The following KIAA1217 variants were observed in gnomAD, a reference collection of about 807,000 sequenced individuals.
The protein encoded by KIAA1217 is KIAA1217, also known as sickle tail protein homolog.
In KIAA1217, 88 loss-of-function variants were observed where a neutral mutation model predicts 163.9. The ratio of observed to expected loss-of-function variants is 0.54; its 90% CI spans 0.45 to 0.64. KIAA1217 has a LOEUF of 0.64. Among genes scored for constraint, KIAA1217 ranks in the 30% least tolerant of loss-of-function variants. The pLI, the probability that KIAA1217 is intolerant of heterozygous loss-of-function variation, is 0.00. For synonymous variants in KIAA1217, 903 were observed against 923.1 expected (o/e 0.98, Z 0.39); for missense variants, 2,372 against 2,475.0 (o/e 0.96, Z 0.88).
chr10:24,032,408 G>A (rs1848225419), intron 2 of KIAA1217, among the ~76,000 whole-genome samples: 1 of 151,974 alleles, frequency 6.6e-6, no homozygotes, highest in Non-Finnish European at 1.5e-5. Flanking sequence ...TACTGCTCAG[G>A]AGTAAGTCTT....
At chr10:24,086,358 A>G (rs903519247) in intron 2 of KIAA1217, among the ~76,000 whole-genome samples, 1 of 152,236 alleles carries the variant, frequency 6.6e-6, no homozygotes, top group Non-Finnish European at 1.5e-5. Flanking sequence ...ACACTCGTTC[A>G]TTATCAGACT....
chr10:23,761,707 G>T (rs1834268999), intron 1 of KIAA1217, among the ~76,000 whole-genome samples: 1 of 152,078 alleles, frequency 6.6e-6, no homozygotes, highest in Non-Finnish European at 1.5e-5. Context: ...TTGCCACGTG[G>T]CACTGAAAAG....
At chr10:24,327,628 G>C (rs1291635499) in intron 2 of KIAA1217, among the ~76,000 whole-genome samples, 1 of 152,032 alleles carries the variant, frequency 6.6e-6, no homozygotes, top group Non-Finnish European at 1.5e-5. Flanking sequence ...GTAGGTGCAC[G>C]CCACCATGCC....
intron 2 of KIAA1217, among the ~76,000 whole-genome samples, chr10:24,319,301 A>C (rs1210899820): frequency 7.0e-6 from 1 of 143,486 alleles, no homozygotes; most frequent in Non-Finnish European, 1.5e-5. Flanking sequence ...CCTTGAACCC[A>C]GGAGGCAGAG....
At chr10:23,990,815 G>A (rs751655642) in intron 1 of KIAA1217, among the ~76,000 whole-genome samples, 87 of 152,236 alleles carry the variant, frequency 5.7e-4, no homozygotes, top group Non-Finnish European at 1.0e-3. Context: ...TTGACTTACT[G>A]TCTTAGGGGT....
chr10:24,000,069 A>C (rs906774932), intron 1 of KIAA1217, among the ~76,000 whole-genome samples: 5 of 152,162 alleles, frequency 3.3e-5, no homozygotes, highest in African/African-American at 1.2e-4. Flanking sequence ...CTATCTAACA[A>C]ACAAGCAAAT....
chr10:23,957,683 C>T (rs1192389405), intron 1 of KIAA1217, among the ~76,000 whole-genome samples: 1 of 152,144 alleles, frequency 6.6e-6, no homozygotes, highest in Non-Finnish European at 1.5e-5. Flanking sequence ...GATCGGGCCA[C>T]TGCACTCCAG....
chr10:23,757,984 A>G (rs1834006191), intron 1 of KIAA1217, among the ~76,000 whole-genome samples: 1 of 152,050 alleles, frequency 6.6e-6, no homozygotes, highest in South Asian at 2.1e-4. Context: ...ATTTGCAAAT[A>G]TTTTCTTTCA....
intron 2 of KIAA1217, among the ~76,000 whole-genome samples, chr10:24,038,721 T>G (rs540184209): frequency 6.1e-4 from 90 of 148,752 alleles, no homozygotes; most frequent in African/African-American, 2.1e-3. Context: ...CAAAGCCCAC[T>G]GGGCATGACA....
intron 2 of KIAA1217, among the ~76,000 whole-genome samples, chr10:24,035,782 A>G (rs757626376): frequency 6.6e-6 from 1 of 152,242 alleles, no homozygotes; most frequent in Non-Finnish European, 1.5e-5. Context: ...ACTAGTAAAC[A>G]TGGAGATTTC....
At chr10:24,183,541 T>C (rs984451672) in intron 2 of KIAA1217, among the ~76,000 whole-genome samples, 5 of 152,198 alleles carry the variant, frequency 3.3e-5, no homozygotes, top group African/African-American at 4.8e-5. Context: ...GTTTTGAAAA[T>C]TATGCAAAAG....
intron 2 of KIAA1217, among the ~76,000 whole-genome samples, chr10:24,082,992 A>G (rs535697060): frequency 1.3e-5 from 2 of 152,206 alleles, no homozygotes; most frequent in Non-Finnish European, 2.9e-5. Flanking sequence ...TTCTCTGATG[A>G]TCAGTGATGT....
At chr10:24,165,397 A>T (rs185591252) in intron 2 of KIAA1217, among the ~76,000 whole-genome samples, 1 of 152,316 alleles carries the variant, frequency 6.6e-6, no homozygotes, top group Non-Finnish European at 1.5e-5. Flanking sequence ...AGATGCTAGG[A>T]ATGTGTCAGT....
At chr10:24,094,740 G>A (rs2062080294) in intron 2 of KIAA1217, among the ~76,000 whole-genome samples, 1 of 152,172 alleles carries the variant, frequency 6.6e-6, no homozygotes, top group South Asian at 2.1e-4. Context: ...CTGCGTGCTG[G>A]GAGAACCACT....
chr10:23,697,136 A>G (rs1249385570), intron 1 of KIAA1217, among the ~76,000 whole-genome samples: 3 of 152,202 alleles, frequency 2.0e-5, no homozygotes, highest in African/African-American at 7.2e-5. Context: ...TGTAAATGCC[A>G]TTTTTAGAGC....
At chr10:24,233,164 AC>A in intron 2 of KIAA1217, among the ~76,000 whole-genome samples, 1 of 152,056 alleles carries the variant, frequency 6.6e-6, no homozygotes, top group East Asian at 1.9e-4. Context: ...ACAAAACCCA[AC>A]ATCTGCCCTC....
intron 2 of KIAA1217, among the ~76,000 whole-genome samples, chr10:24,309,350 GCACA>G (rs760597469): frequency 0.018 from 2,324 of 132,288 alleles, 41 homozygotes; most frequent in African/African-American, 0.065. Flanking sequence ...ACGCGCGCGC[GCACA>G]CACACACACA....
chr10:23,714,686 G>T (rs1029850970), intron 1 of KIAA1217, among the ~76,000 whole-genome samples: 2 of 151,996 alleles, frequency 1.3e-5, no homozygotes, highest in Non-Finnish European at 2.9e-5. Context: ...TCTTGAGGTC[G>T]TTTTTCTATT....
chr10:24,122,148 TC>T (rs2063305975), intron 2 of KIAA1217, among the ~76,000 whole-genome samples: 2 of 151,916 alleles, frequency 1.3e-5, no homozygotes, highest in Non-Finnish European at 2.9e-5. Context: ...TTTCAGCCCT[TC>T]CCCCCACCCT....
Sources: gnomAD v4.1 joint callset for allele counts (sites outside exome capture counted in the v4.1 genomes callset) on GRCh38, gnomAD v4.1.1 for gene constraint, MANE v1.5 for transcripts, NCBI Gene and HGNC (gene_info 2026-07-23, HGNC 2026-07-21) for gene names.